PEAK1: variants seen among roughly 807,000 people sequenced by gnomAD.
The protein encoded by PEAK1 is pseudopodium enriched atypical kinase 1.
PEAK1 carries 54 observed loss-of-function variants against 124.7 expected under a neutral mutation model. That is an observed-to-expected ratio of 0.43 (90% CI 0.35 to 0.54). The LOEUF (loss-of-function observed/expected upper bound fraction) is 0.54. Among genes scored for constraint, PEAK1 ranks in the 20% least tolerant of loss-of-function variants. The pLI, the probability that PEAK1 is intolerant of heterozygous loss-of-function variation, is 0.01. For missense variants in PEAK1, 2,046 were observed against 2,134.5 expected (o/e 0.96, Z 0.82); for synonymous variants, 719 against 760.0 (o/e 0.95, Z 0.89).
intron 9 of PEAK1, among the ~76,000 whole-genome samples, chr15:77,125,580 A>G (rs1403691302): frequency 6.6e-6 from 1 of 152,118 alleles, no homozygotes; most frequent in Non-Finnish European, 1.5e-5. Flanking sequence ...GACCTGAAGT[A>G]TTTTTTCCAT....
At chr15:77,172,442 A>G (rs1243330934) in intron 7 of PEAK1, among the ~76,000 whole-genome samples, 2 of 150,688 alleles carry the variant, frequency 1.3e-5, no homozygotes, top group Admixed American at 1.3e-4. Flanking sequence ...TTTGGATTTT[A>G]TATCACTGAC....
intron 8 of PEAK1, among the ~76,000 whole-genome samples, chr15:77,146,316 G>C (rs552051817): frequency 6.6e-6 from 1 of 152,200 alleles, no homozygotes; most frequent in South Asian, 2.1e-4. Flanking sequence ...AAATCACAGG[G>C]GATATCAACT....
intron 6 of PEAK1, among the ~76,000 whole-genome samples, chr15:77,223,830 A>G (rs2059501638): frequency 6.6e-6 from 1 of 151,876 alleles, no homozygotes; most frequent in South Asian, 2.1e-4. Flanking sequence ...ATTTCTGGAA[A>G]TATCTGACCA....
At chr15:77,234,250 T>C (rs1331391626) in intron 6 of PEAK1, among the ~76,000 whole-genome samples, 2 of 152,234 alleles carry the variant, frequency 1.3e-5, no homozygotes, top group Non-Finnish European at 2.9e-5. Context: ...TATGCTTCCT[T>C]TTTAAATTAC....
chr15:77,406,683 T>C (rs2071849413), intron 1 of PEAK1, among the ~76,000 whole-genome samples: 1 of 152,100 alleles, frequency 6.6e-6, no homozygotes, highest in Non-Finnish European at 1.5e-5. Context: ...AGAATAAATA[T>C]TGTGAAAATG....
chr15:77,202,644 C>T (rs985354394), intron 6 of PEAK1, among the ~76,000 whole-genome samples: 1 of 151,716 alleles, frequency 6.6e-6, no homozygotes, highest in African/African-American at 2.4e-5. Flanking sequence ...GTGGTAGGTG[C>T]CTGTAGTCCC....
chr15:77,338,430 G>T (rs542402810), intron 2 of PEAK1, among the ~76,000 whole-genome samples: 1 of 152,192 alleles, frequency 6.6e-6, no homozygotes, highest in South Asian at 2.1e-4. Flanking sequence ...GATGCTTAAA[G>T]AAAATCTGTG....
At chr15:77,162,275 C>T (rs2055718028) in intron 7 of PEAK1, among the ~76,000 whole-genome samples, 1 of 151,872 alleles carries the variant, frequency 6.6e-6, no homozygotes, top group Non-Finnish European at 1.5e-5. Context: ...AGGTGGATCA[C>T]CTGAGGTCAG....
At chr15:77,249,286 T>C (rs1208391042) in intron 6 of PEAK1, among the ~76,000 whole-genome samples, 2 of 152,182 alleles carry the variant, frequency 1.3e-5, no homozygotes, top group Non-Finnish European at 2.9e-5. Context: ...AATTATTCTT[T>C]GTCTGTAAGA....
At chr15:77,237,739 C>T (rs1297583406) in intron 6 of PEAK1, among the ~76,000 whole-genome samples, 1 of 152,000 alleles carries the variant, frequency 6.6e-6, no homozygotes, top group East Asian at 1.9e-4. Flanking sequence ...GATTTCTTCT[C>T]TTTATGTCAA....
intron 2 of PEAK1, among the ~76,000 whole-genome samples, chr15:77,327,083 A>G (rs2065624068): frequency 6.6e-6 from 1 of 152,144 alleles, no homozygotes; most frequent in East Asian, 1.9e-4. Context: ...CCTGCTTTCC[A>G]AAGTAACTAA....
intron 5 of PEAK1, among the ~76,000 whole-genome samples, chr15:77,264,945 A>G (rs1647782085): frequency 6.6e-6 from 1 of 152,206 alleles, no homozygotes; most frequent in Non-Finnish European, 1.5e-5. Flanking sequence ...CTCAGAAATA[A>G]CACTGCATAT....
chr15:77,182,056 G>GA lies in PEAK1; in HGVS notation c.-114-17dup. ...AATGATCAATCTGTGGAGGGGAAAAGAAGACAAAAAATCTGAATGAAAAAG... is the reference window on the plus strand; with the variant it reads ...AATGATCAATCTGTGGAGGGGAAAAGAAAGACAAAAAATCTGAATGAAAAAG... On this transcript the variant is annotated splice_polypyrimidine_tract_variant and intron_variant, in intron 6 of 9. Coordinates refer to ENST00000682557, the MANE Select transcript of PEAK1 (RefSeq NM_001385026.1). 1 of 1,380,650 alleles carries GA rather than the reference G, an allele frequency of 7.2e-7. No individual in the cohort carries two copies. The highest frequency in any genetic ancestry group is 1.5e-5 in the African/African-American group (1 of 68,768). The allele number at this position is 1,380,650 out of a possible 1,614,324, so 85.5% of individuals were successfully genotyped here. A position where few individuals can be genotyped will look rare whatever the true frequency, so the allele number is the denominator to read the frequency against.
At chr15:77,382,138 TC>T (rs2034246869) in intron 1 of PEAK1, among the ~76,000 whole-genome samples, 1 of 152,098 alleles carries the variant, frequency 6.6e-6, no homozygotes, top group Non-Finnish European at 1.5e-5. Flanking sequence ...TATCTCTATC[TC>T]TATCTTTAAC....
intron 2 of PEAK1, among the ~76,000 whole-genome samples, chr15:77,357,695 A>T (rs2067608771): frequency 6.6e-6 from 1 of 152,244 alleles, no homozygotes; most frequent in Admixed American, 6.5e-5. Flanking sequence ...TGCTAATGTT[A>T]GTTTCTTTTG....
intron 1 of PEAK1, among the ~76,000 whole-genome samples, chr15:77,388,307 T>C (rs766804981): frequency 1.3e-5 from 2 of 152,210 alleles, no homozygotes; most frequent in Non-Finnish European, 2.9e-5. Context: ...ATTACCAATG[T>C]GGGCTTCATA....
chr15:77,230,948 A>C (rs1325236887), intron 6 of PEAK1, among the ~76,000 whole-genome samples: 2 of 152,192 alleles, frequency 1.3e-5, no homozygotes, highest in Non-Finnish European at 2.9e-5. Flanking sequence ...AAATTAGGGG[A>C]TAATATACAC....
At chr15:77,213,694 A>C (rs2059011550) in intron 6 of PEAK1, among the ~76,000 whole-genome samples, 1 of 152,122 alleles carries the variant, frequency 6.6e-6, no homozygotes, top group African/African-American at 2.4e-5. Flanking sequence ...GTCTCAAAAA[A>C]ACAAAAACAA....
chr15:77,311,741 T>C (rs2153002702), intron 2 of PEAK1, among the ~76,000 whole-genome samples: 1 of 145,490 alleles, frequency 6.9e-6, no homozygotes, highest in Admixed American at 6.8e-5. Context: ...TTGTTAAACG[T>C]TTGGAATGAG....
Sources: gnomAD v4.1 joint callset for allele counts (sites outside exome capture counted in the v4.1 genomes callset) on GRCh38, gnomAD v4.1.1 for gene constraint, MANE v1.5 for transcripts, NCBI Gene and HGNC (gene_info 2026-07-23, HGNC 2026-07-21) for gene names.